Variants in NTM observed in about 807,000 individuals in gnomAD.
NTM encodes IgLON family member 2.
NTM carries 13 observed loss-of-function variants against 42.1 expected under a neutral mutation model. That is an observed-to-expected ratio of 0.31 (90% confidence interval 0.20 to 0.49). The LOEUF is 0.49. Among genes scored for constraint, NTM ranks in the 20% least tolerant of loss-of-function variants. The pLI is 0.99. For synonymous variants in NTM, 187 were observed against 179.2 expected (o/e 1.04, Z -0.35); for missense variants, 373 against 452.8 (o/e 0.82, Z 1.60).
At chr11:131,891,477 C>T (rs1403842132) in intron 1 of NTM, among the ~76,000 whole-genome samples, 1 of 152,128 alleles carries the variant, frequency 6.6e-6, no homozygotes, top group African/African-American at 2.4e-5. Context: ...AAAAAAGAGG[C>T]CTTTTCAAAA....
At chr11:131,397,740 C>G (rs1229421379) in intron 1 of NTM, among the ~76,000 whole-genome samples, 1 of 152,102 alleles carries the variant, frequency 6.6e-6, no homozygotes, top group Non-Finnish European at 1.5e-5. Context: ...TGGGGGTTTT[C>G]TATAAGAAAG....
At chr11:132,291,107 G>A (rs746907536) in intron 4 of NTM, among the ~76,000 whole-genome samples, 34 of 152,148 alleles carry the variant, frequency 2.2e-4, no homozygotes, top group African/African-American at 7.7e-4. Flanking sequence ...AGATGTTGAC[G>A]CCTACCTAAT....
At chr11:131,839,808 C>G (rs2043994951) in intron 1 of NTM, among the ~76,000 whole-genome samples, 1 of 152,242 alleles carries the variant, frequency 6.6e-6, no homozygotes, top group Non-Finnish European at 1.5e-5. Flanking sequence ...GATGGGAGGT[C>G]TGACCCAGAT....
At chr11:131,371,249 A>T (rs530475979) in intron 1 of NTM, among the ~76,000 whole-genome samples, 5 of 152,304 alleles carry the variant, frequency 3.3e-5, no homozygotes, top group African/African-American at 9.6e-5. Context: ...CAGGGTTGCT[A>T]ATGTGTTGCT....
chr11:132,238,431 C>G (rs566241673), intron 4 of NTM, among the ~76,000 whole-genome samples: 1 of 152,292 alleles, frequency 6.6e-6, no homozygotes, highest in East Asian at 1.9e-4. Context: ...TCTCTAAGCT[C>G]AGGAGTTATG....
At chr11:132,032,622 T>A (rs879716176) in intron 2 of NTM, among the ~76,000 whole-genome samples, 9 of 152,178 alleles carry the variant, frequency 5.9e-5, no homozygotes, top group Non-Finnish European at 1.3e-4. Context: ...TACTCACCAA[T>A]CCCTACTCCA....
chr11:131,998,803 G>A (rs779454842), intron 2 of NTM, among the ~76,000 whole-genome samples: 2 of 152,026 alleles, frequency 1.3e-5, no homozygotes, highest in African/African-American at 2.4e-5. Flanking sequence ...AAGAATGATC[G>A]GTGGGGATGC....
At chr11:132,086,671 T>C (rs1350650577) in intron 2 of NTM, among the ~76,000 whole-genome samples, 2 of 152,220 alleles carry the variant, frequency 1.3e-5, no homozygotes, top group Non-Finnish European at 2.9e-5. Flanking sequence ...GTATATTCTT[T>C]TTCATTAATC....
intron 2 of NTM, among the ~76,000 whole-genome samples, chr11:131,966,509 C>G (rs1430756975): frequency 6.6e-6 from 1 of 152,080 alleles, no homozygotes; most frequent in Admixed American, 6.5e-5. Context: ...TTAGGTTAAC[C>G]ATTATGGAGG....
At chr11:131,664,604 C>A (rs536316647) in intron 1 of NTM, among the ~76,000 whole-genome samples, 1 of 152,068 alleles carries the variant, frequency 6.6e-6, no homozygotes, top group Admixed American at 6.5e-5. Flanking sequence ...ACGCGCCATA[C>A]GTTGCGGTTC....
chr11:131,549,411 TAATTAA>T (rs1304793126), intron 1 of NTM, among the ~76,000 whole-genome samples: 9 of 152,196 alleles, frequency 5.9e-5, no homozygotes, highest in African/African-American at 1.9e-4. Flanking sequence ...TTAAAAATTG[TAATTAA>T]AATTAAAAAT....
intron 1 of NTM, among the ~76,000 whole-genome samples, chr11:131,595,286 C>T (rs1431061444): frequency 6.6e-6 from 1 of 152,142 alleles, no homozygotes; most frequent in African/African-American, 2.4e-5. Flanking sequence ...GCGCCTCCAC[C>T]AGCTGAAGGC....
At chr11:131,914,178 C>T (rs552221) in intron 2 of NTM, among the ~76,000 whole-genome samples, 114,141 of 152,174 alleles carry the variant, frequency 0.75, 42,978 homozygotes, top group East Asian at 0.88. Flanking sequence ...TGCATTTTCA[C>T]GTAACCTGAC....
chr11:131,870,579 G>T (rs2047678261), intron 1 of NTM, among the ~76,000 whole-genome samples: 1 of 152,132 alleles, frequency 6.6e-6, no homozygotes, highest in Admixed American at 6.5e-5. Context: ...CCCCTTTGTA[G>T]CTCTGAGCAG....
chr11:132,190,537 A>C (rs894911230), intron 3 of NTM, among the ~76,000 whole-genome samples: 1 of 152,020 alleles, frequency 6.6e-6, no homozygotes, highest in Non-Finnish European at 1.5e-5. Flanking sequence ...GGAGTTCAAG[A>C]CCAGCCTGGC....
intron 1 of NTM, among the ~76,000 whole-genome samples, chr11:131,431,208 C>A (rs147731540): frequency 1.3e-5 from 2 of 152,004 alleles, no homozygotes; most frequent in Non-Finnish European, 2.9e-5. Context: ...ATCTCTCATT[C>A]GGGTGTCTTG....
chr11:131,404,384 T>A (rs1352664564), intron 1 of NTM, among the ~76,000 whole-genome samples: 3 of 152,208 alleles, frequency 2.0e-5, no homozygotes, highest in Non-Finnish European at 4.4e-5. Context: ...CATCGCGCCG[T>A]CCTGGCTTTC....
chr11:131,966,711 C>T (rs934341943), intron 2 of NTM, among the ~76,000 whole-genome samples: 2 of 152,048 alleles, frequency 1.3e-5, no homozygotes, highest in Non-Finnish European at 2.9e-5. Flanking sequence ...ACAGCAGTCT[C>T]GATCAGGTCA....
At chr11:131,554,673 G>A (rs965720209) in intron 1 of NTM, among the ~76,000 whole-genome samples, 5 of 152,094 alleles carry the variant, frequency 3.3e-5, no homozygotes, top group Non-Finnish European at 5.9e-5. Context: ...CAGGTGGGAC[G>A]CAAAGGAATC....
Sources: allele counts gnomAD v4.1 joint callset (sites outside exome capture counted in the v4.1 genomes callset), GRCh38; gene constraint gnomAD v4.1.1; transcripts MANE v1.5; gene names NCBI Gene and HGNC (gene_info 2026-07-23, HGNC 2026-07-21).